The following RYR3 variants were observed in gnomAD, a reference collection of about 807,000 sequenced individuals.
The protein encoded by RYR3 is brain ryanodine receptor-calcium release channel.
RYR3 carries 207 observed loss-of-function variants against 584.3 expected under a neutral mutation model. That is an observed-to-expected ratio of 0.35 (90% CI 0.32 to 0.40). RYR3 has a LOEUF of 0.40. Among genes scored for constraint, RYR3 ranks in the 10% least tolerant of loss-of-function variants. The pLI is 1.00. For missense variants in RYR3, 5,616 were observed against 6,089.2 expected, an observed-to-expected ratio of 0.92 and a Z score of 2.59; for synonymous variants, 2,416 against 2,248.5, an observed-to-expected ratio of 1.07 and a Z score of -2.11.
Position 33,706,968 on chromosome 15 carries a change from T to C in RYR3, c.6533T>C (p.Leu2178Pro). The change falls in exon 43 of 104, where the codon CTG becomes CCG. Residue 2178 changes from leucine (L) to proline (P), a missense_variant. Leu to Pro is a moderately conservative substitution (Grantham distance 98, BLOSUM62 -3). This residue lies in a region of RYR3 where 1,280 missense variants were observed against 1,426.2 expected (regional missense o/e 0.90). Transcript: ENST00000634891. Reference protein sequence around the residue: ...GCGLQSCPMLLAKGYPDVGWN... With the variant: ...GCGLQSCPMLPAKGYPDVGWN... ...GGCCTACAGAGCTGCCCCATGCTTC[T>C]GGCCAAAGGATACCCTGATGTCGGC... is the stretch of plus-strand genomic sequence containing the variant. The C allele has an allele frequency of 6.2e-7, 1 of 1,613,140 alleles. No homozygotes were observed. The highest frequency in any genetic ancestry group is 8.5e-7 in the Non-Finnish European group (1 of 1,179,584).
chr15:33,316,940 C>T (rs1445829654), intron 1 of RYR3, among the ~76,000 whole-genome samples: 2 of 152,196 alleles, frequency 1.3e-5, no homozygotes, highest in Admixed American at 1.3e-4. Flanking sequence ...AATTACTTCT[C>T]TAAAGCCAAC....
intron 74 of RYR3, 153 bp downstream of exon 74, chr15:33,813,732 G>A (rs1217255361): frequency 4.9e-6 from 3 of 608,650 alleles, no homozygotes; most frequent in African/African-American, 3.7e-5. Context: ...TAAGGGCCTG[G>A]CTAAGACAAT....
At chr15:33,417,205 G>GT (rs1339061263) in intron 1 of RYR3, among the ~76,000 whole-genome samples, 1 of 152,080 alleles carries the variant, frequency 6.6e-6, no homozygotes, top group Non-Finnish European at 1.5e-5. Flanking sequence ...TTTTAGGACA[G>GT]TTTTTTCTAA....
At chr15:33,464,801 A>G (rs148243009) in intron 1 of RYR3, among the ~76,000 whole-genome samples, 3 of 152,126 alleles carry the variant, frequency 2.0e-5, no homozygotes, top group African/African-American at 7.2e-5. Flanking sequence ...AGTATTGTCA[A>G]CTAGAGTCAC....
In RYR3 at chr15:33,660,306, G is replaced by T. The variant is rs545597409; in HGVS notation, c.4505G>T (p.Arg1502Leu). Residue 1502 changes from arginine (R) to leucine (L), a missense_variant, in exon 34 of 104, where the codon CGC (arginine) becomes CTC (leucine). Arg to Leu is a moderately radical substitution (Grantham distance 102). This residue lies in a region of RYR3 where 753 missense variants were observed against 741.0 expected (regional missense o/e 1.02). Transcript: ENST00000634891. ...ACCATCCAGCCCGTGCTCTGGAGCC[G>T]CATGCCCAACAGCTTCCTGAAGGTG... ...VQTIQPVLWS[R>L]MPNSFLKVET... The T allele has an allele frequency of 3.9e-4, 619 of 1,578,422 alleles. 4 individuals carry two copies. In the South Asian group the frequency reaches 6.5e-3, roughly 17 times the overall value.
intron 49 of RYR3, among the ~76,000 whole-genome samples, chr15:33,737,574 T>C (rs8033323): frequency 0.84 from 127,409 of 152,150 alleles, 53,519 homozygotes; most frequent in African/African-American, 0.87. Flanking sequence ...TCCCCTGTCT[T>C]CATGCCAGGC....
chr15:33,777,588 T>C (rs527358469), intron 64 of RYR3, among the ~76,000 whole-genome samples: 1 of 152,258 alleles, frequency 6.6e-6, no homozygotes, highest in African/African-American at 2.4e-5. Context: ...GAAAATGCCC[T>C]GTTGTGGAGC....
chr15:33,630,110 CTGCAAAGATA>C, intron 22 of RYR3, 67 bp downstream of exon 22: 1 of 854,798 alleles, frequency 1.2e-6, no homozygotes, highest in Non-Finnish European at 1.9e-6. Context: ...TATAACTAAA[CTGCAAAGATA>C]TGTCTCTTGC....
At chr15:33,354,136 C>T (rs1416045153) in intron 1 of RYR3, among the ~76,000 whole-genome samples, 2 of 152,186 alleles carry the variant, frequency 1.3e-5, no homozygotes, top group Non-Finnish European at 2.9e-5. Context: ...TACTGCCCAA[C>T]ATAAATGTTT....
chr15:33,799,138 C>A (rs958470290), intron 67 of RYR3, among the ~76,000 whole-genome samples: 4 of 152,190 alleles, frequency 2.6e-5, no homozygotes, highest in African/African-American at 9.7e-5. Flanking sequence ...TTCATCTCTG[C>A]TTCCTGGCAC....
intron 1 of RYR3, among the ~76,000 whole-genome samples, chr15:33,349,651 C>A (rs1404060845): frequency 1.4e-5 from 2 of 147,126 alleles, no homozygotes; most frequent in African/African-American, 2.5e-5. Flanking sequence ...TGTGCAGGTT[C>A]GTTACATATG....
intron 36 of RYR3, among the ~76,000 whole-genome samples, chr15:33,667,437 A>T (rs920089727): frequency 1.3e-5 from 2 of 152,152 alleles, no homozygotes; most frequent in African/African-American, 4.8e-5. Flanking sequence ...CAAGTACCTG[A>T]CTTTGACACC....
At chr15:33,747,107 A>G (rs2070804076) in intron 53 of RYR3, among the ~76,000 whole-genome samples, 1 of 152,186 alleles carries the variant, frequency 6.6e-6, no homozygotes, top group South Asian at 2.1e-4. Flanking sequence ...TACCATGCCC[A>G]GCCAAAAATG....
intron 1 of RYR3, among the ~76,000 whole-genome samples, chr15:33,385,070 G>A (rs1224731686): frequency 1.3e-5 from 2 of 152,154 alleles, no homozygotes; most frequent in South Asian, 2.1e-4. Context: ...GAAATTTCAC[G>A]TAAAATCAAA....
intron 14 of RYR3, among the ~76,000 whole-genome samples, chr15:33,582,125 C>A (rs1442778888): frequency 6.6e-6 from 1 of 152,168 alleles, no homozygotes; most frequent in African/African-American, 2.4e-5. Context: ...ATTCCAGCAA[C>A]AAGCTTATCT....
At chr15:33,764,486 T>TTG (rs1335304916) in intron 60 of RYR3, among the ~76,000 whole-genome samples, 1 of 151,670 alleles carries the variant, frequency 6.6e-6, no homozygotes, top group Non-Finnish European at 1.5e-5. Context: ...AGATGACAGG[T>TTG]TGATGGGTGC....
chr15:33,530,198 A>C (rs1415744423), intron 3 of RYR3, among the ~76,000 whole-genome samples: 1 of 152,246 alleles, frequency 6.6e-6, no homozygotes, highest in African/African-American at 2.4e-5. Flanking sequence ...GCCGCCTGCC[A>C]CACTGCCTTT....
chr15:33,834,967 G>A lies in RYR3; in HGVS notation c.11464-1G>A, dbSNP rs1331398976. ...ACATAAGAATGTCCTCTTCTCTGCA[G>A]GGCCCTTGCATTGGTAATCAACAGA... On this transcript the variant is annotated splice_acceptor_variant, in intron 86 of 103. Transcript: ENST00000634891. LOFTEE classifies it high-confidence loss of function. The A allele has an allele frequency of 1.2e-6, 2 of 1,613,420 alleles. No individual in the cohort carries two copies. Among genetic ancestry groups the A allele is most frequent in the African/African-American group, 1.3e-5 (1 of 74,906 alleles).
At chr15:33,570,524 A>G (rs1360649154) in intron 12 of RYR3, among the ~76,000 whole-genome samples, 4 of 152,054 alleles carry the variant, frequency 2.6e-5, no homozygotes, top group Admixed American at 2.6e-4. Context: ...TGAATGCTCC[A>G]ATTTTTTACT....
Sources: gnomAD v4.1 joint callset for allele counts (sites outside exome capture counted in the v4.1 genomes callset) on GRCh38, gnomAD v4.1.1 for gene constraint, gnomAD v4.1.1 regional missense constraint, MANE v1.5 for transcripts, NCBI Gene and HGNC (gene_info 2026-07-23, HGNC 2026-07-21) for gene names.